EYS: variants seen among roughly 807,000 people sequenced by gnomAD.
The protein encoded by EYS is EGF-like photoreceptor maintenance factor, also known as protein eyes shut homolog.
A neutral mutation model predicts 282.1 loss-of-function variants in EYS; 250 were observed. That is an observed-to-expected ratio of 0.89 (90% CI 0.80 to 0.98). The LOEUF (loss-of-function observed/expected upper bound fraction) is 0.98, where lower values mean the gene tolerates loss of function less well. Among genes scored for constraint, EYS ranks in the 50% least tolerant of loss-of-function variants. EYS has a pLI of 0.00. For missense variants in EYS, 4,016 were observed against 3,709.0 expected, an observed-to-expected ratio of 1.08 and a Z score of -2.15; for synonymous variants, 1,355 against 1,282.9, an observed-to-expected ratio of 1.06 and a Z score of -1.20.
intron 2 of EYS, among the ~76,000 whole-genome samples, chr6:65,575,383 T>C (rs1764629038): frequency 1.3e-5 from 2 of 149,192 alleles, no homozygotes. Context: ...AGTTTAAAAA[T>C]ATCTTCAGAG....
intron 36 of EYS, among the ~76,000 whole-genome samples, chr6:63,862,501 T>A (rs1006638391): frequency 2.0e-5 from 3 of 152,302 alleles, no homozygotes; most frequent in African/African-American, 7.2e-5. Context: ...CATCCTTGCA[T>A]CTTTGAAACC....
At chr6:64,731,234 C>G (rs531935150) in intron 22 of EYS, among the ~76,000 whole-genome samples, 1 of 152,116 alleles carries the variant, frequency 6.6e-6, no homozygotes, top group African/African-American at 2.4e-5. Context: ...GACTACATGA[C>G]TAAAACACCA....
At chr6:64,327,019 G>C (rs765256910) in intron 29 of EYS, among the ~76,000 whole-genome samples, 6 of 152,060 alleles carry the variant, frequency 3.9e-5, no homozygotes, top group Non-Finnish European at 8.8e-5. Context: ...TGGGGCCCAC[G>C]AGTCAGAAAG....
chr6:64,066,344 G>A lies in EYS; in HGVS notation c.6719C>T (p.Thr2240Ile). 6.4e-7 allele frequency: 1 copy of A among 1,550,804 alleles called. No individual in the cohort carries two copies. Among genetic ancestry groups the A allele is most frequent in the Non-Finnish European group, 8.7e-7 (1 of 1,146,660 alleles). ...SINTNAFTPITIRYTTPVGSP... is the reference protein window; with the variant it reads ...SINTNAFTPIIIRYTTPVGSP... ...CGTGGAGTACAGTACTTACCGTATT[G>A]TGATAGGGGTGAATGCATTTGTGTT... Residue 2240 changes from threonine (T) to isoleucine (I), a missense_variant, in exon 33 of 43, where the codon ACA becomes ATA. Coordinates refer to ENST00000503581, the MANE Select transcript of EYS (RefSeq NM_001142800.2).
chr6:64,335,187 CTAG>C (rs1377733597), intron 29 of EYS, among the ~76,000 whole-genome samples: 1 of 152,012 alleles, frequency 6.6e-6, no homozygotes, highest in Non-Finnish European at 1.5e-5. Context: ...CTATAACCTA[CTAG>C]TAGTAGTAAC....
chr6:64,275,866 G>A (rs1017728775), intron 30 of EYS, among the ~76,000 whole-genome samples: 2 of 151,774 alleles, frequency 1.3e-5, no homozygotes, highest in Non-Finnish European at 2.9e-5. Flanking sequence ...TTGGGAGGTT[G>A]AGGCAGGAGA....
At chr6:65,388,946 A>G (rs908136284) in intron 7 of EYS, among the ~76,000 whole-genome samples, 2 of 152,036 alleles carry the variant, frequency 1.3e-5, no homozygotes, top group Non-Finnish European at 2.9e-5. Context: ...CGCTCTAAAG[A>G]AACATTGTAT....
chr6:64,132,132 C>G (rs1409662940), intron 31 of EYS, among the ~76,000 whole-genome samples: 1 of 151,902 alleles, frequency 6.6e-6, no homozygotes, highest in East Asian at 1.9e-4. Context: ...TTGTATAAGA[C>G]TAAATTATGT....
At chr6:63,878,634 G>A (rs1396094995) in intron 35 of EYS, among the ~76,000 whole-genome samples, 1 of 152,298 alleles carries the variant, frequency 6.6e-6, no homozygotes, top group South Asian at 2.1e-4. Context: ...CCCACTTCGA[G>A]CTTCCTGGCT....
intron 36 of EYS, among the ~76,000 whole-genome samples, chr6:63,837,173 G>T (rs925563592): frequency 1.3e-5 from 2 of 152,052 alleles, no homozygotes; most frequent in Non-Finnish European, 2.9e-5. Flanking sequence ...TATATTTTGA[G>T]TGATTCCTAG....
chr6:64,577,524 A>G (rs1406479523), intron 26 of EYS, among the ~76,000 whole-genome samples: 2 of 151,996 alleles, frequency 1.3e-5, no homozygotes, highest in Admixed American at 6.6e-5. Context: ...AGACATATGC[A>G]TAGAGTATTT....
chr6:64,879,610 A>G (rs1202482455), intron 19 of EYS, among the ~76,000 whole-genome samples: 3 of 152,138 alleles, frequency 2.0e-5, no homozygotes, highest in Non-Finnish European at 4.4e-5. Context: ...CTGAAATGAA[A>G]GCTAAATATT....
At chr6:63,727,737 A>AAAAAATATATATATAT (rs1554164607) in intron 41 of EYS, among the ~76,000 whole-genome samples, 2 of 36,736 alleles carry the variant, frequency 5.4e-5, no homozygotes, top group African/African-American at 2.7e-4. Flanking sequence ...AAAAAAAAAA[A>AAAAAATATATATATAT]ATATATATAT....
chr6:64,335,759 C>A (rs976308601), intron 29 of EYS, among the ~76,000 whole-genome samples: 1 of 152,110 alleles, frequency 6.6e-6, no homozygotes, highest in Admixed American at 6.6e-5. Context: ...GAAAACCTAT[C>A]AGATTAACAG....
At chr6:64,457,539 T>C (rs1775594332) in intron 26 of EYS, among the ~76,000 whole-genome samples, 2 of 152,022 alleles carry the variant, frequency 1.3e-5, no homozygotes, top group African/African-American at 4.8e-5. Context: ...TGTGTTTAGA[T>C]CCTCTGATGC....
chr6:64,372,128 G>GTTTTTTTT (rs1772393641), intron 29 of EYS, among the ~76,000 whole-genome samples: 1 of 75,958 alleles, frequency 1.3e-5, no homozygotes, highest in African/African-American at 7.6e-5. Context: ...CTGTATACTT[G>GTTTTTTTT]TGTTTTTTTT....
rs114890931 is a variant in EYS at position 65,083,400 on chromosome 6, T to C, written c.2024-25673A>G. Among the ~76,000 whole-genome samples the C allele has an allele frequency of 7.5e-3, 1,143 of 152,166 alleles. 23 individuals carry two copies. The highest frequency in any genetic ancestry group is 0.025 in the African/African-American group (1,025 of 41,576). On this transcript the variant is annotated intron_variant, in intron 12 of 42. Coordinates refer to ENST00000503581, the MANE Select transcript of EYS (RefSeq NM_001142800.2). ...GGTAAATTGATAATATAAAAATCTA[T>C]AGGTAGCATCCAACATTATGACTCT...
intron 21 of EYS, among the ~76,000 whole-genome samples, chr6:64,820,204 A>T (rs752067790): frequency 1.3e-5 from 2 of 152,026 alleles, no homozygotes; most frequent in Non-Finnish European, 2.9e-5. Flanking sequence ...CTAAGACAAA[A>T]AAGTCACTGA....
intron 12 of EYS, among the ~76,000 whole-genome samples, chr6:65,089,064 C>T (rs755904478): frequency 8.5e-5 from 13 of 152,102 alleles, no homozygotes; most frequent in Admixed American, 2.0e-4. Flanking sequence ...CCTAGATGTC[C>T]AGGCAGAAGT....
Sources: gnomAD v4.1 joint callset for allele counts (sites outside exome capture counted in the v4.1 genomes callset) on GRCh38, gnomAD v4.1.1 for gene constraint, MANE v1.5 for transcripts, NCBI Gene and HGNC (gene_info 2026-07-23, HGNC 2026-07-21) for gene names.